LINGO2: variants seen among roughly 807,000 people sequenced by gnomAD.
The protein encoded by LINGO2 is leucine rich repeat and Ig domain containing 2, also known as leucine-rich repeat and immunoglobulin-like domain-containing nogo receptor-interacting protein 2.
Under a neutral mutation model 30.6 loss-of-function variants are expected in LINGO2, and 14 were observed. That is an observed-to-expected ratio of 0.46 (90% CI 0.30 to 0.72). The LOEUF is 0.72. LINGO2 is among the 30% of genes least tolerant of loss of function. The probability of loss-of-function intolerance (pLI) is 0.07; values close to 1 mark genes in which losing one functional copy is unlikely to be tolerated. For missense variants in LINGO2, 729 were observed against 751.7 expected (o/e 0.97, Z 0.35); for synonymous variants, 317 against 288.5 (o/e 1.10, Z -1.00).
chr9:28,864,428 G>A, the LINGO2 span, among the ~76,000 whole-genome samples: 27 of 151,944 alleles, frequency 1.8e-4, no homozygotes, highest in Non-Finnish European at 3.8e-4. Flanking sequence ...AAACAATAAA[G>A]TTACTCTCCT....
intron 2 of LINGO2, among the ~76,000 whole-genome samples, chr9:28,426,841 C>T (rs918671013): frequency 6.6e-6 from 1 of 152,034 alleles, no homozygotes; most frequent in Non-Finnish European, 1.5e-5. Flanking sequence ...CATCTACCTA[C>T]CAAACTCCCC....
intron 3 of LINGO2, among the ~76,000 whole-genome samples, chr9:28,302,825 T>C (rs571158735): frequency 9.8e-5 from 15 of 152,304 alleles, no homozygotes; most frequent in Non-Finnish European, 1.9e-4. Context: ...TTTACATACA[T>C]GTTCTCATTT....
intron 2 of LINGO2, among the ~76,000 whole-genome samples, chr9:28,460,802 A>C (rs1010150566): frequency 6.6e-6 from 1 of 152,082 alleles, no homozygotes; most frequent in African/African-American, 2.4e-5. Flanking sequence ...CCTGGAGGGC[A>C]AGTGTGTGGT....
At chr9:28,782,954 T>G in the LINGO2 span, among the ~76,000 whole-genome samples, 2 of 152,178 alleles carry the variant, frequency 1.3e-5, no homozygotes, top group Non-Finnish European at 2.9e-5. Context: ...CTGTACAGGG[T>G]GTTACTGTAC....
chr9:28,743,094 G>T, the LINGO2 span, among the ~76,000 whole-genome samples: 295 of 151,808 alleles, frequency 1.9e-3, 3 homozygotes, highest in South Asian at 1.2e-3. Context: ...GTATTTTTTT[G>T]TAAGGCAAGT....
chr9:28,768,462 T>A, the LINGO2 span, among the ~76,000 whole-genome samples: 2 of 152,108 alleles, frequency 1.3e-5, no homozygotes, highest in African/African-American at 4.8e-5. Flanking sequence ...CTTGTTCACT[T>A]CCTGACCCAG....
At chr9:28,988,451 C>T in the LINGO2 span, among the ~76,000 whole-genome samples, 1 of 152,036 alleles carries the variant, frequency 6.6e-6, no homozygotes, top group Non-Finnish European at 1.5e-5. Context: ...TATTAGGCAG[C>T]ATATAGTGGA....
At chr9:28,799,367 C>T in the LINGO2 span, among the ~76,000 whole-genome samples, 2 of 151,942 alleles carry the variant, frequency 1.3e-5, no homozygotes, top group Admixed American at 6.6e-5. Context: ...CACCCAAGGC[C>T]AGTGATATGA....
chr9:28,956,162 C>G, the LINGO2 span, among the ~76,000 whole-genome samples: 1 of 151,866 alleles, frequency 6.6e-6, no homozygotes, highest in Non-Finnish European at 1.5e-5. Context: ...TATCAGTCCA[C>G]GGCATGAAAA....
At chr9:28,750,163 G>T in the LINGO2 span, among the ~76,000 whole-genome samples, 3 of 152,088 alleles carry the variant, frequency 2.0e-5, no homozygotes, top group African/African-American at 7.3e-5. Flanking sequence ...TATGTTTCTG[G>T]CATTGATTCC....
At chr9:28,108,526 T>A (rs894184091) in intron 4 of LINGO2, among the ~76,000 whole-genome samples, 1 of 152,030 alleles carries the variant, frequency 6.6e-6, no homozygotes, top group Non-Finnish European at 1.5e-5. Flanking sequence ...TAACATCAAA[T>A]CCAAGAAGGA....
At chr9:28,125,848 G>C (rs1006570075) in intron 4 of LINGO2, among the ~76,000 whole-genome samples, 2 of 152,156 alleles carry the variant, frequency 1.3e-5, no homozygotes, top group African/African-American at 4.8e-5. Context: ...TCCAATTCCA[G>C]AGGTTCAGTT....
chr9:28,745,150 T>G, the LINGO2 span, among the ~76,000 whole-genome samples: 2 of 152,060 alleles, frequency 1.3e-5, no homozygotes, highest in Non-Finnish European at 2.9e-5. Flanking sequence ...GCATTGGGCA[T>G]CAACACGGTC....
chr9:29,019,275 G>T, the LINGO2 span, among the ~76,000 whole-genome samples: 1 of 152,102 alleles, frequency 6.6e-6, no homozygotes, highest in African/African-American at 2.4e-5. Context: ...TTTATTTTTT[G>T]GTGTATGCTG....
intron 2 of LINGO2, among the ~76,000 whole-genome samples, chr9:28,454,221 T>C (rs1395508548): frequency 6.6e-6 from 1 of 152,006 alleles, no homozygotes; most frequent in African/African-American, 2.4e-5. Context: ...ACAATAAATA[T>C]CAATATATAC....
chr9:29,018,897 T>C, the LINGO2 span, among the ~76,000 whole-genome samples: 1 of 152,120 alleles, frequency 6.6e-6, no homozygotes, highest in African/African-American at 2.4e-5. Flanking sequence ...ATGTACAGGC[T>C]GTGGTGGGGC....
the LINGO2 span, among the ~76,000 whole-genome samples, chr9:28,849,164 T>G: frequency 6.6e-6 from 1 of 152,018 alleles, no homozygotes; most frequent in South Asian, 2.1e-4. Context: ...AAAAGACATT[T>G]CTTACGCTCT....
At chr9:29,045,506 T>C in the LINGO2 span, among the ~76,000 whole-genome samples, 1 of 150,534 alleles carries the variant, frequency 6.6e-6, no homozygotes, top group Non-Finnish European at 1.5e-5. Context: ...CAAAGAGACA[T>C]AAAAGAATAA....
At chr9:29,060,986 A>G in the LINGO2 span, among the ~76,000 whole-genome samples, 11 of 152,034 alleles carry the variant, frequency 7.2e-5, no homozygotes. Flanking sequence ...ATAATGGCTG[A>G]AAACTACCCA....
Sources: gnomAD v4.1 joint callset for allele counts (sites outside exome capture counted in the v4.1 genomes callset) on GRCh38, gnomAD v4.1.1 for gene constraint, MANE v1.5 for transcripts, NCBI Gene and HGNC (gene_info 2026-07-23, HGNC 2026-07-21) for gene names.